EVA1A: variants seen among roughly 807,000 people sequenced by gnomAD.
EVA1A encodes protein eva-1 homolog A.
EVA1A carries 7 observed loss-of-function variants against 9.8 expected under a neutral mutation model. The ratio of observed to expected loss-of-function variants is 0.71; its 90% CI spans 0.41 to 1.34. EVA1A has a LOEUF of 1.34. Among genes scored for constraint, EVA1A ranks in the 40% most tolerant of loss-of-function variants. EVA1A has a pLI of 0.01. For synonymous variants in EVA1A, 90 were observed against 85.6 expected (o/e 1.05, Z -0.28); for missense variants, 206 against 205.9 (o/e 1.00, Z 0.00).
chr2:75,544,775 A>T (rs940371541), intron 1 of EVA1A, among the ~76,000 whole-genome samples: 2 of 152,380 alleles, frequency 1.3e-5, no homozygotes, highest in Non-Finnish European at 2.9e-5. Flanking sequence ...ACATAGTGTT[A>T]GTGAGTCAAC....
chr2:75,568,869 A>G (rs1253013528), intron 1 of EVA1A, among the ~76,000 whole-genome samples: 1 of 152,080 alleles, frequency 6.6e-6, no homozygotes, highest in African/African-American at 2.4e-5. Context: ...GTTGATGAGC[A>G]CTTAAATATG....
intron 1 of EVA1A, chr2:75,542,254 G>A (rs1026015313): frequency 2.0e-5 from 3 of 152,618 alleles, no homozygotes; most frequent in African/African-American, 7.2e-5. Flanking sequence ...CCAGTCTCTA[G>A]TATGTCTTTA....
intron 1 of EVA1A, among the ~76,000 whole-genome samples, chr2:75,528,912 G>A (rs2103884687): frequency 6.6e-6 from 1 of 152,280 alleles, no homozygotes. Context: ...GAAAACAACA[G>A]CTAATTTCAC....
chr2:75,535,295 C>CAA lies in EVA1A; in HGVS notation c.-191-12810_-191-12809dup, dbSNP rs3081156. Among the ~76,000 whole-genome samples the CAA allele has an allele frequency of 4.9e-3, 450 of 92,526 alleles. 2 individuals carry two copies. Among genetic ancestry groups the CAA allele is most frequent in the South Asian group, 0.012 (33 of 2,698 alleles). 60.7% of individuals were successfully genotyped at this position (92,526 alleles called of 152,430 possible). A position where few individuals can be genotyped will look rare whatever the true frequency, so the allele number is the denominator to read the frequency against. ...AAAGCAATAGATGGCATAGATATGG[C>CAA]AAAAAAAAAAAAAAAAAGGGAACTC... On this transcript the variant is annotated intron_variant, in intron 1 of 3. Coordinates refer to ENST00000393913, the MANE Select transcript of EVA1A (RefSeq NM_001135032.2).
intron 1 of EVA1A, among the ~76,000 whole-genome samples, chr2:75,535,226 G>A (rs942500592): frequency 2.1e-4 from 29 of 137,952 alleles, no homozygotes; most frequent in African/African-American, 7.6e-4. Flanking sequence ...CTCACAATGA[G>A]ATATCACTTA....
chr2:75,501,306 T>C (rs764549436), intron 3 of EVA1A, among the ~76,000 whole-genome samples: 4 of 152,238 alleles, frequency 2.6e-5, no homozygotes, highest in Non-Finnish European at 5.9e-5. Flanking sequence ...TCAAGTGACA[T>C]GCCTTGAACT....
chr2:75,500,968 G>C (rs1674395557), intron 3 of EVA1A, among the ~76,000 whole-genome samples: 1 of 151,786 alleles, frequency 6.6e-6, no homozygotes, highest in African/African-American at 2.4e-5. Context: ...TTTTGCACAT[G>C]GCTGTCAAGG....
rs546232141 is a variant in EVA1A, at chr2:75,508,816, C to T, written c.85+9240G>A. ...AGCTTTAAAATTTCTCTCTTTTGTA[C>T]TCTGTCCCTTTATTTCTCAAGCTGG... is the stretch of plus-strand genomic sequence containing the variant. On this transcript the variant is annotated intron_variant, in intron 3 of 3. Transcript: ENST00000393913. Among the ~76,000 whole-genome samples, 458 of 152,176 alleles carry T rather than the reference C, an allele frequency of 3.0e-3. 1 individual carries two copies. The highest frequency in any genetic ancestry group is 5.1e-3 in the Non-Finnish European group (350 of 68,014).
intron 1 of EVA1A, among the ~76,000 whole-genome samples, chr2:75,547,567 CT>C (rs999966569): frequency 7.9e-5 from 12 of 152,204 alleles, no homozygotes; most frequent in South Asian, 4.2e-4. Context: ...ATACCCAAGA[CT>C]TTTTTTTCCT....
intron 3 of EVA1A, among the ~76,000 whole-genome samples, chr2:75,498,869 C>T (rs2103778848): frequency 6.6e-6 from 1 of 151,850 alleles, no homozygotes. Context: ...ATTCCTACGC[C>T]AGATGCTATG....
At chr2:75,497,043 G>A (rs578004244) in intron 3 of EVA1A, among the ~76,000 whole-genome samples, 34 of 152,124 alleles carry the variant, frequency 2.2e-4, no homozygotes, top group African/African-American at 7.0e-4. Flanking sequence ...AACTCAAGAG[G>A]GATTAAAGAC....
chr2:75,513,586 A>G (rs1674896358), intron 3 of EVA1A, among the ~76,000 whole-genome samples: 1 of 152,226 alleles, frequency 6.6e-6, no homozygotes, highest in South Asian at 2.1e-4. Context: ...TCTGCACTCC[A>G]TACTCATTGT....
rs569896369 is a variant in EVA1A at position 75,493,571 on chromosome 2, C to G, written c.124G>C (p.Val42Leu). 168 of 1,612,704 alleles carry G rather than the reference C, an allele frequency of 1.0e-4. No homozygotes were observed. The highest frequency in any genetic ancestry group is 9.1e-4 in the South Asian group (83 of 90,838). ...AGGGTCAGCACCAGCCCGATGCACA[C>G]GCCAGAAACAAAGTACAGAGCTGCT... ...ERAALYFVSG[V>L]CIGLVLTLAA... Residue 42 changes from valine (V) to leucine (L), a missense_variant, in exon 4 of 4, where the codon GTG (valine) becomes CTG (leucine). Physicochemically the swap from Val to Leu is conservative, Grantham distance 32. Coordinates refer to ENST00000393913, the MANE Select transcript of EVA1A (RefSeq NM_001135032.2).
At chr2:75,498,543 C>G (rs1022620950) in intron 3 of EVA1A, among the ~76,000 whole-genome samples, 12 of 152,142 alleles carry the variant, frequency 7.9e-5, no homozygotes, top group African/African-American at 2.9e-4. Flanking sequence ...ATATGAGAAC[C>G]TTCTGCACTA....
At chr2:75,566,644 C>T (rs1457352576) in intron 1 of EVA1A, among the ~76,000 whole-genome samples, 1 of 152,168 alleles carries the variant, frequency 6.6e-6, no homozygotes, top group Non-Finnish European at 1.5e-5. Context: ...TCCTCACAGG[C>T]CCTAGTCAGA....
chr2:75,557,165 AG>A (rs1572995250), intron 1 of EVA1A, among the ~76,000 whole-genome samples: 1 of 152,234 alleles, frequency 6.6e-6, no homozygotes, highest in East Asian at 1.9e-4. Flanking sequence ...CTGTGGAGGA[AG>A]CCAGAGTACA....
chr2:75,558,239 C>T (rs1676792607), intron 1 of EVA1A, among the ~76,000 whole-genome samples: 1 of 152,156 alleles, frequency 6.6e-6, no homozygotes, highest in African/African-American at 2.4e-5. Context: ...GATTATTATT[C>T]CATTAGTTAG....
In EVA1A at chr2:75,518,076, G is replaced by T. The variant is rs560233570; in HGVS notation, c.65C>A (p.Ala22Glu). Residue 22 changes from alanine (A) to glutamate (E), a missense_variant, in exon 3 of 4, where the codon GCG (alanine) becomes GAG (glutamate). Ala to Glu is a moderately radical substitution (Grantham distance 107, BLOSUM62 -1). Transcript: ENST00000393913. Reference protein sequence around the residue: ...VEMALLSNILAAYSFVSENPE... With the variant: ...VEMALLSNILEAYSFVSENPE... Reference sequence around the variant, plus strand: ...CCTACCTGAGACAAAGGAATAGGCCGCTAGGATGTTGCTGAGCAAAGCCAT... The same window carrying T: ...CCTACCTGAGACAAAGGAATAGGCCTCTAGGATGTTGCTGAGCAAAGCCAT... 3.1e-6 allele frequency: 5 copies of T among 1,613,988 alleles called. No homozygotes were observed. Among genetic ancestry groups the T allele is most frequent in the Admixed American group, 1.7e-5 (1 of 60,008 alleles).
Position 75,492,965 on chromosome 2 carries a change from G to C in EVA1A, c.*271C>G. ...TCAGAAATCAAGAGAAACCACAGTC[G>C]CGTTTCTCCGATCTCCATCCACAGT... On this transcript the variant is annotated 3_prime_UTR_variant, in exon 4 of 4. Coordinates refer to ENST00000393913, the MANE Select transcript of EVA1A (RefSeq NM_001135032.2). 1 of 428,222 alleles carries C rather than the reference G, an allele frequency of 2.3e-6. No individual in the cohort carries two copies. The highest frequency in any genetic ancestry group is 5.0e-5 in the South Asian group (1 of 19,962). 26.5% of individuals were successfully genotyped at this position (428,222 alleles called of 1,614,324 possible).
Sources: gnomAD v4.1 joint callset for allele counts (sites outside exome capture counted in the v4.1 genomes callset) on GRCh38, gnomAD v4.1.1 for gene constraint, MANE v1.5 for transcripts, NCBI Gene and HGNC (gene_info 2026-07-23, HGNC 2026-07-21) for gene names.